RCL1: variants seen among roughly 807,000 people sequenced by gnomAD.
RCL1 encodes RNA terminal phosphate cyclase like 1.
RCL1 carries 24 observed loss-of-function variants against 42.4 expected under a neutral mutation model. That is an observed-to-expected ratio of 0.57 (90% confidence interval 0.41 to 0.80). RCL1 has a LOEUF of 0.80. Ranked by LOEUF, RCL1 falls within the 30% of genes least tolerant of loss-of-function variation. RCL1 has a pLI of 0.00. For missense variants in RCL1, 578 were observed against 467.9 expected (o/e 1.24, Z -2.17); for synonymous variants, 228 against 177.3 (o/e 1.29, Z -2.27).
intron 1 of RCL1, among the ~76,000 whole-genome samples, chr9:4,809,142 A>G (rs1816079282): frequency 6.6e-6 from 1 of 151,998 alleles, no homozygotes; most frequent in South Asian, 2.1e-4. Flanking sequence ...TCCATAATAC[A>G]GACATACCAA....
At chr9:4,837,088 A>G (rs1817164512) in intron 5 of RCL1, among the ~76,000 whole-genome samples, 1 of 152,186 alleles carries the variant, frequency 6.6e-6, no homozygotes, top group Non-Finnish European at 1.5e-5. Flanking sequence ...CAACTCTAGT[A>G]TCCAAATCCG....
In RCL1 at chr9:4,835,451, A is replaced by G. The variant is rs538821534; in HGVS notation, c.584+1186A>G. On this transcript the variant is annotated intron_variant, in intron 5 of 8. Transcript: ENST00000381750. ...GGAAGAGTGCTGGATCCCTATCCCA[A>G]GGGACTAATTCTGGGTTGTGGAGTG... Among the ~76,000 whole-genome samples the G allele has an allele frequency of 1.1e-4, 17 of 152,270 alleles. No individual in the cohort carries two copies. In the South Asian group the frequency reaches 3.5e-3, roughly 32 times the overall value.
chr9:4,813,799 C>G (rs1425684003), intron 1 of RCL1, among the ~76,000 whole-genome samples: 1 of 152,192 alleles, frequency 6.6e-6, no homozygotes, highest in African/African-American at 2.4e-5. Context: ...AAATGTCCAT[C>G]AGTGATAGAC....
At position 4,854,554 on chromosome 9, in the gene RCL1, G is replaced by A. The variant is rs1016853737; in HGVS notation, c.971+5004G>A. Among the ~76,000 whole-genome samples, 37 of 152,116 alleles carry A rather than the reference G, an allele frequency of 2.4e-4. 1 individual carries two copies. The highest frequency in any genetic ancestry group is 8.0e-4 in the African/African-American group (33 of 41,426). On this transcript the variant is annotated intron_variant, in intron 8 of 8. Coordinates refer to ENST00000381750, the MANE Select transcript of RCL1 (RefSeq NM_005772.5). ...GTTGTGGTTTGTGCCTGTGGGGGCT[G>A]CCAGAGAGAGGGCTCACCCCATGAT... is the stretch of plus-strand genomic sequence containing the variant.
chr9:4,854,036 A>T (rs1364388759), intron 8 of RCL1, among the ~76,000 whole-genome samples: 1 of 152,126 alleles, frequency 6.6e-6, no homozygotes, highest in Non-Finnish European at 1.5e-5. Context: ...CAGTACCACT[A>T]TGTCTTAGTT....
chr9:4,828,104 T>A (rs1346009262), intron 3 of RCL1, among the ~76,000 whole-genome samples: 2 of 139,774 alleles, frequency 1.4e-5, no homozygotes, highest in African/African-American at 2.7e-5. Flanking sequence ...GAGAATGGCG[T>A]GAACCTGGGA....
rs71326137 is a variant in RCL1, at chr9:4,806,587, T to TACACACACACAC, written c.136+13396_136+13407dup. 7.0e-4 allele frequency among the ~76,000 whole-genome samples: 95 copies of TACACACACACAC among 135,764 alleles called. 1 individual carries two copies. The highest frequency in any genetic ancestry group is 2.4e-3 in the African/African-American group (84 of 35,392). 89.1% of individuals were successfully genotyped at this position (135,764 alleles called of 152,430 possible). A position where few individuals can be genotyped will look rare whatever the true frequency, so the allele number is the denominator to read the frequency against. ...TTCCTGGAATAGATTCTACTTGATC[T>TACACACACACAC]ACACACACACACACACACACACACA... On this transcript the variant is annotated intron_variant, in intron 1 of 8. Coordinates refer to ENST00000381750, the MANE Select transcript of RCL1 (RefSeq NM_005772.5).
At chr9:4,812,399 G>A (rs977909514) in intron 1 of RCL1, among the ~76,000 whole-genome samples, 1 of 151,548 alleles carries the variant, frequency 6.6e-6, no homozygotes, top group African/African-American at 2.4e-5. Context: ...TCTGCATATG[G>A]CTATAGTTTT....
At chr9:4,859,640 T>C (rs772527656) in intron 8 of RCL1, among the ~76,000 whole-genome samples, 1 of 152,108 alleles carries the variant, frequency 6.6e-6, no homozygotes, top group Non-Finnish European at 1.5e-5. Flanking sequence ...ATCATGGAAA[T>C]AGGTGTTTCT....
At chr9:4,842,937 C>G (rs931904961) in intron 6 of RCL1, among the ~76,000 whole-genome samples, 8 of 152,156 alleles carry the variant, frequency 5.3e-5, no homozygotes, top group Non-Finnish European at 1.2e-4. Context: ...TATAGTGTGG[C>G]TTTTTGTTAT....
chr9:4,806,040 G>GTC (rs1554636256), intron 1 of RCL1, among the ~76,000 whole-genome samples: 2 of 136,272 alleles, frequency 1.5e-5, no homozygotes, highest in Non-Finnish European at 3.2e-5. Context: ...GTGTGTGTGT[G>GTC]TGTGTTTGTG....
In RCL1 at chr9:4,805,669, G is replaced by T. The variant is rs552716125; in HGVS notation, c.136+12442G>T. On this transcript the variant is annotated intron_variant, in intron 1 of 8. Coordinates refer to ENST00000381750, the MANE Select transcript of RCL1 (RefSeq NM_005772.5). ...TGGGCAGGTAGCTGGTCAGGTGACT[G>T]GCAGTGGTGGGTGTAGCTGAGGGCT... Among the ~76,000 whole-genome samples the T allele has an allele frequency of 2.2e-4, 33 of 152,206 alleles. No homozygotes were observed. In the East Asian group the frequency reaches 5.6e-3, roughly 26 times the overall value.
At chr9:4,810,097 A>G (rs10815088) in intron 1 of RCL1, among the ~76,000 whole-genome samples, 42,786 of 152,140 alleles carry the variant, frequency 0.28, 6,157 homozygotes, top group South Asian at 0.41. Flanking sequence ...CAAAGTGCTA[A>G]GATTACAGGC....
At chr9:4,836,131 TC>T (rs1817121087) in intron 5 of RCL1, among the ~76,000 whole-genome samples, 1 of 152,130 alleles carries the variant, frequency 6.6e-6, no homozygotes, top group African/African-American at 2.4e-5. Flanking sequence ...AAGGCTGTGT[TC>T]CAGCAGTAAG....
At chr9:4,818,376 T>G (rs1263189397) in intron 1 of RCL1, among the ~76,000 whole-genome samples, 1 of 152,236 alleles carries the variant, frequency 6.6e-6, no homozygotes, top group East Asian at 1.9e-4. Context: ...TTCTTTACAT[T>G]AAAATATTTT....
intron 8 of RCL1, 104 bp downstream of exon 8, chr9:4,849,654 C>A: frequency 1.3e-6 from 1 of 757,856 alleles, no homozygotes; most frequent in Non-Finnish European, 2.3e-6. Context: ...CTATGAACAC[C>A]TGCTTGTGTT....
chr9:4,833,437 C>T (rs458552), intron 4 of RCL1, among the ~76,000 whole-genome samples: 71,196 of 151,600 alleles, frequency 0.47, 19,247 homozygotes, highest in East Asian at 0.75. Flanking sequence ...AGTGATGTTG[C>T]ACTTCTTTTG....
intron 1 of RCL1, among the ~76,000 whole-genome samples, chr9:4,802,675 AT>A (rs1345005338): frequency 1.3e-5 from 2 of 152,166 alleles, no homozygotes; most frequent in Non-Finnish European, 2.9e-5. Flanking sequence ...GTTTACTTAA[AT>A]TTTTATTACA....
intron 5 of RCL1, among the ~76,000 whole-genome samples, chr9:4,837,368 G>C (rs1040269386): frequency 6.6e-6 from 1 of 152,082 alleles, no homozygotes; most frequent in Non-Finnish European, 1.5e-5. Flanking sequence ...TAAGTGTATA[G>C]GAATACACTT....
Sources: gnomAD v4.1 joint callset for allele counts (sites outside exome capture counted in the v4.1 genomes callset) on GRCh38, gnomAD v4.1.1 for gene constraint, MANE v1.5 for transcripts, NCBI Gene and HGNC (gene_info 2026-07-23, HGNC 2026-07-21) for gene names.